The following SAP30BP variants were observed in gnomAD, a reference collection of about 807,000 sequenced individuals.
SAP30BP encodes the protein SAP30 binding protein.
A neutral mutation model predicts 46.3 loss-of-function variants in SAP30BP; 31 were observed. That is an observed-to-expected ratio of 0.67 (90% CI 0.50 to 0.90). The LOEUF (loss-of-function observed/expected upper bound fraction) is 0.90, where lower values mean the gene tolerates loss of function less well. SAP30BP is among the 40% of genes least tolerant of loss of function. The pLI, the probability that SAP30BP is intolerant of heterozygous loss-of-function variation, is 0.00. For synonymous variants in SAP30BP, 169 were observed against 144.2 expected (o/e 1.17, Z -1.23); for missense variants, 312 against 391.0 (o/e 0.80, Z 1.70).
intron 1 of SAP30BP, 131 bp downstream of exon 1, chr17:75,667,609 C>CG: frequency 1.3e-6 from 1 of 746,858 alleles, no homozygotes; most frequent in Non-Finnish European, 2.2e-6. Flanking sequence ...GTCCAGGGTC[C>CG]GGGGTGAGAT....
chr17:75,701,217 G>A (rs1040570268), intron 5 of SAP30BP, among the ~76,000 whole-genome samples: 4 of 152,162 alleles, frequency 2.6e-5, no homozygotes, highest in South Asian at 2.1e-4. Flanking sequence ...TGCTTTTGCC[G>A]GCACAGTGCC....
chr17:75,687,718 G>T (rs1238546328), intron 3 of SAP30BP, among the ~76,000 whole-genome samples: 1 of 151,934 alleles, frequency 6.6e-6, no homozygotes, highest in Non-Finnish European at 1.5e-5. Flanking sequence ...ACCTTCTCCT[G>T]CCCCTTGGCA....
chr17:75,705,785 C>G lies in SAP30BP; in HGVS notation c.661-223C>G. 4.9e-6 allele frequency: 5 copies of G among 1,016,554 alleles called. No homozygotes were observed. The South Asian group carries it at 5.1e-5, about 10-fold the overall frequency. The allele number at this position is 1,016,554 out of a possible 1,614,324, so 63.0% of individuals were successfully genotyped here. On this transcript the variant is annotated intron_variant, in intron 9 of 10. Transcript: ENST00000584667. ...GGGCATGTGCAGAGACCTGGTGATG[C>G]CGGGAGGGATACAGTACTGTTTGGA... is the stretch of plus-strand genomic sequence containing the variant.
In SAP30BP at chr17:75,706,597, A is replaced by T. The variant is rs566482852; in HGVS notation, c.*76A>T. ...TGCCCAGTGGGAGGCGCCACTTTGT[A>T]TATTTCAGGACTGGGACCTACTCCC... On this transcript the variant is annotated 3_prime_UTR_variant, in exon 11 of 11. Coordinates refer to ENST00000584667, the MANE Select transcript of SAP30BP (RefSeq NM_013260.8). The surrounding 1 kb of genome is among the most constrained non-coding windows in gnomAD (Gnocchi z 4.6). The T allele has an allele frequency of 2.2e-6, 3 of 1,383,278 alleles. No homozygotes were observed. Among genetic ancestry groups the T allele is most frequent in the Admixed American group, 3.7e-5 (2 of 53,816 alleles). The allele number at this position is 1,383,278 out of a possible 1,614,324, so 85.7% of individuals were successfully genotyped here. A position where few individuals can be genotyped will look rare whatever the true frequency, so the allele number is the denominator to read the frequency against.
chr17:75,685,979 A>G (rs2060150519), intron 3 of SAP30BP, among the ~76,000 whole-genome samples: 1 of 152,250 alleles, frequency 6.6e-6, no homozygotes, highest in South Asian at 2.1e-4. Flanking sequence ...GTCGGATAAC[A>G]AAAGTCCCCC....
intron 5 of SAP30BP, among the ~76,000 whole-genome samples, chr17:75,700,836 AC>A (rs1385313028): frequency 1.3e-5 from 2 of 152,240 alleles, no homozygotes; most frequent in Non-Finnish European, 2.9e-5. Context: ...CGCACAGCAT[AC>A]AGTGCCAATT....
chr17:75,673,855 C>T (rs1001944804), intron 3 of SAP30BP, among the ~76,000 whole-genome samples: 2 of 152,164 alleles, frequency 1.3e-5, no homozygotes, highest in African/African-American at 2.4e-5. Context: ...CTGACAGCCT[C>T]GTCATTCCTG....
intron 4 of SAP30BP, among the ~76,000 whole-genome samples, chr17:75,697,069 G>A (rs999544430): frequency 9.2e-5 from 14 of 152,198 alleles, no homozygotes; most frequent in African/African-American, 2.7e-4. Context: ...GAGCCACCGC[G>A]CCCGGCCCCT....
At chr17:75,673,757 G>C (rs2059941565) in intron 3 of SAP30BP, among the ~76,000 whole-genome samples, 1 of 152,170 alleles carries the variant, frequency 6.6e-6, no homozygotes, top group African/African-American at 2.4e-5. Context: ...TAAAGAGCGG[G>C]GTGGGAGGGA....
At chr17:75,679,373 G>C (rs1034507915) in intron 3 of SAP30BP, 9 of 152,146 alleles carry the variant, frequency 5.9e-5, no homozygotes, top group African/African-American at 2.2e-4. Flanking sequence ...ACTCCAGGGA[G>C]TTCCCTGGGA....
intron 5 of SAP30BP, among the ~76,000 whole-genome samples, chr17:75,702,251 C>T (rs2060423056): frequency 6.6e-6 from 1 of 152,180 alleles, no homozygotes; most frequent in African/African-American, 2.4e-5. Flanking sequence ...GTCTCAATCT[C>T]TGGACCTCGT....
chr17:75,675,440 C>T (rs1319217174), intron 3 of SAP30BP, among the ~76,000 whole-genome samples: 3 of 152,134 alleles, frequency 2.0e-5, no homozygotes, highest in Non-Finnish European at 4.4e-5. Flanking sequence ...TGAGCCACCT[C>T]GCCCGGCCTC....
intron 3 of SAP30BP, among the ~76,000 whole-genome samples, chr17:75,675,156 T>C (rs1383216981): frequency 6.6e-6 from 1 of 152,196 alleles, no homozygotes; most frequent in African/African-American, 2.4e-5. Flanking sequence ...TTTTTTGTTT[T>C]GTTTTGTTTT....
chr17:75,674,305 A>T (rs1365122840), intron 3 of SAP30BP, among the ~76,000 whole-genome samples: 5 of 151,744 alleles, frequency 3.3e-5, no homozygotes, highest in African/African-American at 7.3e-5. Context: ...TATTTTATTT[A>T]TTTTTTTGAG....
intron 3 of SAP30BP, among the ~76,000 whole-genome samples, chr17:75,687,276 A>G (rs1415508323): frequency 1.3e-5 from 2 of 152,184 alleles, no homozygotes; most frequent in African/African-American, 4.8e-5. Flanking sequence ...CTATACAGTA[A>G]TTATTTTTGT....
intron 3 of SAP30BP, among the ~76,000 whole-genome samples, chr17:75,681,159 G>A (rs1013090287): frequency 7.2e-5 from 11 of 152,216 alleles, no homozygotes; most frequent in African/African-American, 2.7e-4. Context: ...AAGTGTGTGT[G>A]GTATGTGACA....
chr17:75,668,436 C>T, intron 1 of SAP30BP, 80 bp from the exon 2 acceptor site: 1 of 852,582 alleles, frequency 1.2e-6, no homozygotes, highest in Non-Finnish European at 1.8e-6. Flanking sequence ...ACTCAAATCT[C>T]TGGACATTTT....
chr17:75,668,321 A>G lies in SAP30BP; in HGVS notation c.107-195A>G, dbSNP rs558995093. 2.0e-5 allele frequency among the ~76,000 whole-genome samples: 3 copies of G among 152,256 alleles called. No individual in the cohort carries two copies. In the East Asian group the frequency reaches 5.8e-4, roughly 29 times the overall value. ...GGTTTTGTTCCCTGACCTTTTAATG[A>G]TTTTATTCAGTAAATGCTGGCCTTC... On this transcript the variant is annotated intron_variant, in intron 1 of 10. Transcript: ENST00000584667.
intron 8 of SAP30BP, 52 bp downstream of exon 8, chr17:75,703,911 C>T: frequency 7.7e-7 from 1 of 1,304,858 alleles, no homozygotes; most frequent in Non-Finnish European, 1.1e-6. Flanking sequence ...CCGACTGTCC[C>T]TTTATCCAGT....
Sources: gnomAD v4.1 joint callset for allele counts (sites outside exome capture counted in the v4.1 genomes callset) on GRCh38, gnomAD v4.1.1 for gene constraint, Gnocchi (gnomAD v3.1) non-coding constraint, MANE v1.5 for transcripts, NCBI Gene and HGNC (gene_info 2026-07-23, HGNC 2026-07-21) for gene names.